Variants in DLG2 observed in about 807,000 individuals in gnomAD.
The protein encoded by DLG2 is disks large homolog 2.
In DLG2, 45 loss-of-function variants were observed where a neutral mutation model predicts 132.5. The observed-to-expected ratio is 0.34, with a 90% CI of 0.27 to 0.44. The LOEUF (loss-of-function observed/expected upper bound fraction) is 0.44. DLG2 is among the 20% of genes least tolerant of loss of function. DLG2 has a pLI of 1.00. For missense variants in DLG2, 1,045 were observed against 1,196.9 expected, an observed-to-expected ratio of 0.87 and a Z score of 1.87; for synonymous variants, 424 against 419.6, an observed-to-expected ratio of 1.01 and a Z score of -0.13.
chr11:84,924,369 C>T (rs910917559), intron 6 of DLG2, among the ~76,000 whole-genome samples: 3 of 152,118 alleles, frequency 2.0e-5, no homozygotes, highest in African/African-American at 7.2e-5. Context: ...CACGATGCTC[C>T]CCATCAGCTT....
At chr11:84,277,417 G>C (rs1319983548) in intron 7 of DLG2, among the ~76,000 whole-genome samples, 3 of 151,844 alleles carry the variant, frequency 2.0e-5, no homozygotes, top group Non-Finnish European at 4.4e-5. Context: ...ATCAATAACA[G>C]AACAATCTCT....
chr11:83,907,948 C>T (rs7928771), intron 15 of DLG2, among the ~76,000 whole-genome samples: 2,770 of 152,256 alleles, frequency 0.018, 88 homozygotes, highest in African/African-American at 0.062. Context: ...ACTGACCATC[C>T]CTCCTCAGCT....
chr11:85,238,927 A>G (rs2075738000), intron 4 of DLG2, among the ~76,000 whole-genome samples: 1 of 151,844 alleles, frequency 6.6e-6, no homozygotes, highest in South Asian at 2.1e-4. Context: ...TGTAGTACCT[A>G]TCAAACAACT....
In DLG2 at chr11:85,491,621, A is replaced by G. The variant is rs1187841159; in HGVS notation, c.40+107036T>C. On this transcript the variant is annotated intron_variant, in intron 3 of 27. Transcript: ENST00000376104. The stretch of plus-strand genomic sequence containing the variant: ...CTACATGCTAACAAGAAACTATCCA[A>G]AAAAGAAATTTATTTAAAACCTACT... Among the ~76,000 whole-genome samples the G allele has an allele frequency of 5.3e-5, 8 of 152,130 alleles. No individual in the cohort carries two copies. The South Asian group carries it at 6.2e-4, about 12-fold the overall frequency.
intron 11 of DLG2, among the ~76,000 whole-genome samples, chr11:84,045,238 C>G (rs900016537): frequency 6.6e-6 from 1 of 151,688 alleles, no homozygotes; most frequent in Non-Finnish European, 1.5e-5. Context: ...TGCTGGGTAA[C>G]ATATGCACTT....
chr11:85,076,252 G>A (rs532208031), intron 6 of DLG2, among the ~76,000 whole-genome samples: 3 of 151,920 alleles, frequency 2.0e-5, no homozygotes, highest in African/African-American at 7.2e-5. Context: ...TCCTCACTCT[G>A]GTAAGAAGCA....
chr11:83,641,337 T>C (rs1337215599), intron 18 of DLG2, among the ~76,000 whole-genome samples: 1 of 152,200 alleles, frequency 6.6e-6, no homozygotes, highest in East Asian at 1.9e-4. Context: ...CATAGAACAC[T>C]ATTTACACCT....
At chr11:83,743,199 C>T (rs1172396301) in intron 18 of DLG2, among the ~76,000 whole-genome samples, 1 of 152,142 alleles carries the variant, frequency 6.6e-6, no homozygotes, top group Non-Finnish European at 1.5e-5. Flanking sequence ...TTATTCATCT[C>T]TGCTAATGGG....
chr11:83,913,452 T>A (rs1227338000), intron 15 of DLG2, among the ~76,000 whole-genome samples: 1 of 151,772 alleles, frequency 6.6e-6, no homozygotes, highest in African/African-American at 2.4e-5. Flanking sequence ...TAAAACAGAG[T>A]CCTTGAACTC....
chr11:83,953,581 T>C (rs1194629629), intron 14 of DLG2, among the ~76,000 whole-genome samples: 1 of 152,162 alleles, frequency 6.6e-6, no homozygotes, highest in Non-Finnish European at 1.5e-5. Context: ...ACCACTGATA[T>C]ATGAGATGGC....
intron 3 of DLG2, among the ~76,000 whole-genome samples, chr11:85,315,823 T>C (rs1018610480): frequency 1.3e-5 from 2 of 151,994 alleles, no homozygotes; most frequent in Non-Finnish European, 1.5e-5. Context: ...GTAGGATATT[T>C]AAAAACTGCC....
At chr11:85,433,980 A>T (rs2091335949) in intron 3 of DLG2, among the ~76,000 whole-genome samples, 1 of 152,228 alleles carries the variant, frequency 6.6e-6, no homozygotes, top group African/African-American at 2.4e-5. Context: ...CTCAGACCAC[A>T]GTGCAATCAA....
At chr11:85,304,755 G>A (rs2079829703) in intron 3 of DLG2, among the ~76,000 whole-genome samples, 1 of 152,168 alleles carries the variant, frequency 6.6e-6, no homozygotes, top group African/African-American at 2.4e-5. Flanking sequence ...GAAAAGGGCA[G>A]TAAAGCTGTC....
intron 6 of DLG2, among the ~76,000 whole-genome samples, chr11:84,555,652 G>C (rs191143193): frequency 6.6e-6 from 1 of 152,144 alleles, no homozygotes; most frequent in Non-Finnish European, 1.5e-5. Context: ...TAGTTATCAG[G>C]GACTAGAGAG....
chr11:85,104,237 T>A lies in DLG2; in HGVS notation c.357+7424A>T, dbSNP rs114149559. On this transcript the variant is annotated intron_variant, in intron 6 of 27. Transcript: ENST00000376104. ...TATACCCAAGAGAATTGAAAATACA[T>A]GTCCACACAAAAACTTGCACAAAAA... 7.0e-4 allele frequency among the ~76,000 whole-genome samples: 107 copies of A among 151,994 alleles called. 1 individual carries two copies. The highest frequency in any genetic ancestry group is 2.3e-3 in the African/African-American group (95 of 41,514).
At position 84,725,085 on chromosome 11, in the gene DLG2, T is replaced by C. The variant is rs535323717; in HGVS notation, c.358-190354A>G. On this transcript the variant is annotated intron_variant, in intron 6 of 27. Coordinates refer to ENST00000376104, the MANE Select transcript of DLG2 (RefSeq NM_001142699.3). Reference sequence around the variant, plus strand: ...TTTCAGGGGGAGGAAAGAGAGAATATTGATAACAGTAATATAAGAGACTAT... The same window carrying C: ...TTTCAGGGGGAGGAAAGAGAGAATACTGATAACAGTAATATAAGAGACTAT... 7.0e-4 allele frequency among the ~76,000 whole-genome samples: 107 copies of C among 152,252 alleles called. 1 individual carries two copies. In the South Asian group the frequency reaches 0.01, roughly 14 times the overall value.
chr11:84,833,466 C>T lies in DLG2; in HGVS notation c.357+278195G>A, dbSNP rs565767233. Among the ~76,000 whole-genome samples the T allele has an allele frequency of 7.2e-5, 11 of 151,726 alleles. No individual in the cohort carries two copies. In the South Asian group the frequency reaches 2.3e-3, roughly 31 times the overall value. ...TCACCCCTACAATACTTAGACAATG[C>T]TCTAAGTATTTTACACACATCCTAT... On this transcript the variant is annotated intron_variant, in intron 6 of 27. Transcript: ENST00000376104.
At chr11:85,442,050 T>C (rs2091806545) in intron 3 of DLG2, among the ~76,000 whole-genome samples, 1 of 151,842 alleles carries the variant, frequency 6.6e-6, no homozygotes, top group African/African-American at 2.4e-5. Context: ...TAAAAGCTGT[T>C]AGGGACAAGC....
chr11:85,395,726 C>T (rs954998220), intron 3 of DLG2, among the ~76,000 whole-genome samples: 1 of 97,698 alleles, frequency 1.0e-5, no homozygotes. Context: ...ATTGCTGAGG[C>T]TTGAGTAGCT....
Sources: gnomAD v4.1 joint callset for allele counts (sites outside exome capture counted in the v4.1 genomes callset) on GRCh38, gnomAD v4.1.1 for gene constraint, MANE v1.5 for transcripts, NCBI Gene and HGNC (gene_info 2026-07-23, HGNC 2026-07-21) for gene names.